Variants in DGKI observed in about 807,000 individuals in gnomAD.
DGKI encodes the protein diacylglycerol kinase iota.
DGKI carries 55 observed loss-of-function variants against 147.5 expected under a neutral mutation model. The ratio of observed to expected loss-of-function variants is 0.37; its 90% CI spans 0.30 to 0.47. DGKI has a LOEUF of 0.47. Among genes scored for constraint, DGKI ranks in the 20% least tolerant of loss-of-function variants. The pLI, the probability that DGKI is intolerant of heterozygous loss-of-function variation, is 1.00. For missense variants in DGKI, 1,007 were observed against 1,323.8 expected, an observed-to-expected ratio of 0.76 and a Z score of 3.71; for synonymous variants, 469 against 477.1, an observed-to-expected ratio of 0.98 and a Z score of 0.22.
At chr7:137,455,329 G>GA (rs1028265164) in intron 27 of DGKI, among the ~76,000 whole-genome samples, 4 of 151,454 alleles carry the variant, frequency 2.6e-5, no homozygotes, top group Non-Finnish European at 5.9e-5. Flanking sequence ...GGAGCTCTGT[G>GA]AAAAAAAATA....
intron 27 of DGKI, among the ~76,000 whole-genome samples, chr7:137,444,581 C>A (rs1273727911): frequency 6.6e-6 from 1 of 152,162 alleles, no homozygotes; most frequent in East Asian, 1.9e-4. Context: ...TTTCACTCTT[C>A]ATGGAATTTA....
chr7:137,675,950 A>G (rs1036393991), intron 3 of DGKI, among the ~76,000 whole-genome samples: 16 of 152,264 alleles, frequency 1.1e-4, no homozygotes, highest in Admixed American at 3.9e-4. Flanking sequence ...CCTAATACTC[A>G]GCTGTAGCCC....
intron 1 of DGKI, among the ~76,000 whole-genome samples, chr7:137,736,599 T>C (rs1461518801): frequency 1.3e-5 from 2 of 151,998 alleles, no homozygotes; most frequent in East Asian, 1.9e-4. Flanking sequence ...TACGAGAAGG[T>C]CAAACAACCA....
chr7:137,530,613 A>G lies in DGKI; in HGVS notation c.2148-8647T>C, dbSNP rs140523469. Among the ~76,000 whole-genome samples, 360 of 152,264 alleles carry G rather than the reference A, an allele frequency of 2.4e-3. 3 individuals are homozygous for G. Among genetic ancestry groups the G allele is most frequent in the African/African-American group, 8.2e-3 (341 of 41,558 alleles). On this transcript the variant is annotated intron_variant, in intron 20 of 32. Coordinates refer to ENST00000614521, the MANE Select transcript of DGKI (RefSeq NM_001321708.2). ...ACATATGTTTAATATGAGGTTTTCA[A>G]TATGTGTTAAATTACTGATCCCCAT...
At chr7:137,520,275 T>A (rs1186507922) in intron 21 of DGKI, among the ~76,000 whole-genome samples, 1 of 152,230 alleles carries the variant, frequency 6.6e-6, no homozygotes, top group African/African-American at 2.4e-5. Context: ...TCTGTTATCT[T>A]CTTTTAAGAA....
Position 137,407,907 on chromosome 7 carries a change from T to C in DGKI, c.2888A>G (p.Asn963Ser). 2 of 1,614,150 alleles carry C rather than the reference T, an allele frequency of 1.2e-6. No individual in the cohort carries two copies. Among genetic ancestry groups the C allele is most frequent in the South Asian group, 1.1e-5 (1 of 91,086 alleles). ...SLLHYAAKTGNGEIVKYILDH... is the reference protein window; with the variant it reads ...SLLHYAAKTGSGEIVKYILDH... ...AAGGATATATTTCACAATCTCCCCG[T>C]TGCCGGTTTTAGCTGCGTAGTGAAG... is the stretch of plus-strand genomic sequence containing the variant. The change falls in exon 30 of 33, where the codon AAC becomes AGC. Residue 963 changes from asparagine (N) to serine (S), a missense_variant. Asn to Ser is a conservative substitution (Grantham distance 46, BLOSUM62 1). Coordinates refer to ENST00000614521, the MANE Select transcript of DGKI (RefSeq NM_001321708.2).
chr7:137,672,913 C>T (rs548962801), intron 3 of DGKI, among the ~76,000 whole-genome samples: 6 of 151,574 alleles, frequency 4.0e-5, no homozygotes, highest in Non-Finnish European at 7.4e-5. Flanking sequence ...CCTGTAATGC[C>T]GCCGGGATTG....
rs182740961 is a variant in DGKI at position 137,729,653 on chromosome 7, C to T, written c.402-39651G>A. 2.0e-5 allele frequency among the ~76,000 whole-genome samples: 3 copies of T among 152,140 alleles called. No homozygotes were observed. In the East Asian group the frequency reaches 5.8e-4, roughly 29 times the overall value. On this transcript the variant is annotated intron_variant, in intron 1 of 32. Coordinates refer to ENST00000614521, the MANE Select transcript of DGKI (RefSeq NM_001321708.2). ...TGGATCCACTATAATTTGACCTTTA[C>T]CCTCTCATGCCATAGAAACCACACT... is the stretch of plus-strand genomic sequence containing the variant.
chr7:137,429,171 A>C (rs1812954776), intron 28 of DGKI, among the ~76,000 whole-genome samples: 1 of 152,174 alleles, frequency 6.6e-6, no homozygotes, highest in African/African-American at 2.4e-5. Flanking sequence ...GCCTACAGTA[A>C]CCAAAACAGC....
chr7:137,407,153 C>T (rs1811984763), intron 30 of DGKI, among the ~76,000 whole-genome samples: 1 of 152,124 alleles, frequency 6.6e-6, no homozygotes, highest in Admixed American at 6.5e-5. Flanking sequence ...CCCCTTTATT[C>T]CTGTTCTTTA....
At chr7:137,618,152 T>TATATATATATATA (rs1554442534) in intron 8 of DGKI, among the ~76,000 whole-genome samples, 80 of 14,350 alleles carry the variant, frequency 5.6e-3, no homozygotes, top group African/African-American at 0.01. Context: ...TATATATATA[T>TATATATATATATA]TTTTTTTTTT....
intron 1 of DGKI, among the ~76,000 whole-genome samples, chr7:137,760,875 G>A (rs996697432): frequency 3.3e-5 from 5 of 152,078 alleles, no homozygotes; most frequent in Admixed American, 2.6e-4. Flanking sequence ...CCAGAGGGAC[G>A]ACATTTCCAT....
At chr7:137,543,457 G>T (rs1278768547) in intron 20 of DGKI, among the ~76,000 whole-genome samples, 1 of 152,016 alleles carries the variant, frequency 6.6e-6, no homozygotes, top group Admixed American at 6.6e-5. Context: ...GACATTAGTA[G>T]TATGTTGCAA....
rs778716930 is a variant in DGKI, at chr7:137,825,374, G to A, written c.401+21088C>T. ...GTCTTCACGTTATCCCATGGCAGAC[G>A]GCATACATGTGATGAAGCATGGTGG... On this transcript the variant is annotated intron_variant, in intron 1 of 32. Transcript: ENST00000614521. Among the ~76,000 whole-genome samples, 4 of 151,974 alleles carry A rather than the reference G, an allele frequency of 2.6e-5. No homozygotes were observed. The East Asian group carries it at 5.8e-4, about 22-fold the overall frequency.
chr7:137,577,074 T>C, intron 17 of DGKI, 148 bp downstream of exon 17: 1 of 669,404 alleles, frequency 1.5e-6, no homozygotes, highest in Non-Finnish European at 2.7e-6. Flanking sequence ...GCCTGACACA[T>C]AATAAGTGTA....
intron 1 of DGKI, among the ~76,000 whole-genome samples, chr7:137,724,176 G>A (rs999557419): frequency 8.5e-5 from 13 of 152,262 alleles, no homozygotes; most frequent in Admixed American, 2.0e-4. Flanking sequence ...TCAGGTAACA[G>A]CCAGAAAGTG....
chr7:137,782,923 G>A (rs773617617), intron 1 of DGKI, among the ~76,000 whole-genome samples: 4 of 152,294 alleles, frequency 2.6e-5, no homozygotes, highest in Non-Finnish European at 4.4e-5. Context: ...ATTCCTAGGC[G>A]AAAGGGGAGA....
chr7:137,654,509 A>T (rs980111742), intron 5 of DGKI, among the ~76,000 whole-genome samples: 6 of 152,206 alleles, frequency 3.9e-5, no homozygotes, highest in Middle Eastern at 3.2e-3. Context: ...ATTTGGTAAG[A>T]CCTTAAACTC....
At chr7:137,582,066 T>C (rs565670478) in intron 14 of DGKI, 138 bp from the exon 15 acceptor site, 28 of 542,412 alleles carry the variant, frequency 5.2e-5, no homozygotes, top group African/African-American at 4.1e-4. Flanking sequence ...GGAGGGTGCT[T>C]ATGTAGAAAG....
Sources: gnomAD v4.1 joint callset for allele counts (sites outside exome capture counted in the v4.1 genomes callset) on GRCh38, gnomAD v4.1.1 for gene constraint, MANE v1.5 for transcripts, NCBI Gene and HGNC (gene_info 2026-07-23, HGNC 2026-07-21) for gene names.